CNTNAP4: variants seen among roughly 807,000 people sequenced by gnomAD.
CNTNAP4 encodes contactin associated protein family member 4.
Under a neutral mutation model 148.4 loss-of-function variants are expected in CNTNAP4, and 98 were observed. The ratio of observed to expected loss-of-function variants is 0.66; its 90% confidence interval spans 0.56 to 0.78. The LOEUF (loss-of-function observed/expected upper bound fraction) is 0.78, where lower values mean the gene tolerates loss of function less well. Among genes scored for constraint, CNTNAP4 ranks in the 30% least tolerant of loss-of-function variants. The pLI, the probability that CNTNAP4 is intolerant of heterozygous loss-of-function variation, is 0.00. For synonymous variants in CNTNAP4, 730 were observed against 565.1 expected (o/e 1.29, Z -4.14); for missense variants, 1,935 against 1,565.6 (o/e 1.24, Z -3.98).
chr16:76,516,199 T>G (rs1278566902), intron 15 of CNTNAP4, among the ~76,000 whole-genome samples: 2 of 151,960 alleles, frequency 1.3e-5, no homozygotes, highest in African/African-American at 4.8e-5. Context: ...GGTGTTTGGT[T>G]TTCTGTTTCT....
intron 1 of CNTNAP4, among the ~76,000 whole-genome samples, chr16:76,284,293 A>G (rs1958798809): frequency 1.3e-5 from 2 of 151,852 alleles, no homozygotes; most frequent in Admixed American, 1.3e-4. Context: ...TTTCATGGGT[A>G]TTTCAGTTAG....
intron 3 of CNTNAP4, among the ~76,000 whole-genome samples, chr16:76,382,223 TA>T (rs1283480530): frequency 6.6e-6 from 1 of 152,008 alleles, no homozygotes; most frequent in East Asian, 1.9e-4. Context: ...TATACAAAAT[TA>T]AATATAAAGC....
intron 1 of CNTNAP4, among the ~76,000 whole-genome samples, chr16:76,289,157 A>G (rs1417304331): frequency 6.6e-6 from 1 of 152,176 alleles, no homozygotes; most frequent in Non-Finnish European, 1.5e-5. Flanking sequence ...CAAACAAAAG[A>G]TACATCATGA....
chr16:76,489,945 T>C (rs1286547414), intron 13 of CNTNAP4, 62 bp downstream of exon 13: 9 of 1,150,468 alleles, frequency 7.8e-6, no homozygotes, highest in African/African-American at 1.5e-5. Context: ...CTCAACTAGC[T>C]CCTGAGAATT....
intron 4 of CNTNAP4, among the ~76,000 whole-genome samples, chr16:76,429,124 C>T (rs1459482059): frequency 6.6e-6 from 1 of 152,184 alleles, no homozygotes; most frequent in Non-Finnish European, 1.5e-5. Flanking sequence ...TTCGTGGCTT[C>T]AACAATCCAG....
At chr16:76,535,406 C>T in intron 17 of CNTNAP4, 139 bp from the exon 18 acceptor site, 1 of 806,534 alleles carries the variant, frequency 1.2e-6, no homozygotes, top group Non-Finnish European at 1.9e-6. Flanking sequence ...CTATATTTGA[C>T]CATGAATTGT....
intron 2 of CNTNAP4, among the ~76,000 whole-genome samples, chr16:76,335,889 A>G (rs1005045072): frequency 2.6e-5 from 4 of 152,128 alleles, no homozygotes; most frequent in East Asian, 1.9e-4. Flanking sequence ...GACCAAGTAC[A>G]TCCTTAACCT....
intron 21 of CNTNAP4, among the ~76,000 whole-genome samples, chr16:76,543,849 G>A (rs1192750933): frequency 1.3e-5 from 2 of 152,280 alleles, no homozygotes; most frequent in African/African-American, 4.8e-5. Context: ...CCTGTAGTTC[G>A]TGGTCTTTGA....
At chr16:76,503,900 G>T (rs1162389127) in intron 15 of CNTNAP4, among the ~76,000 whole-genome samples, 1 of 151,526 alleles carries the variant, frequency 6.6e-6, no homozygotes, top group Non-Finnish European at 1.5e-5. Context: ...TTTTATACTA[G>T]CACCAACAAC....
intron 11 of CNTNAP4, 32 bp downstream of exon 11, chr16:76,476,077 C>T (rs755017135): frequency 2.1e-6 from 3 of 1,456,834 alleles, no homozygotes; most frequent in Non-Finnish European, 2.9e-6. Flanking sequence ...TTTCTTGCCC[C>T]TGTGATGGTT....
chr16:76,319,557 A>G (rs944809909), intron 2 of CNTNAP4, among the ~76,000 whole-genome samples: 2 of 152,190 alleles, frequency 1.3e-5, no homozygotes, highest in Admixed American at 6.5e-5. Context: ...TTATTTGGAC[A>G]TAGGGTCTTA....
chr16:76,285,467 G>A (rs1193343758), intron 1 of CNTNAP4, among the ~76,000 whole-genome samples: 1 of 151,956 alleles, frequency 6.6e-6, no homozygotes, highest in African/African-American at 2.4e-5. Context: ...TTATCAGTTG[G>A]CCTATAGCTC....
intron 8 of CNTNAP4, among the ~76,000 whole-genome samples, chr16:76,457,112 A>G (rs547752502): frequency 6.6e-6 from 1 of 152,316 alleles, no homozygotes; most frequent in East Asian, 1.9e-4. Context: ...AATATCAGAA[A>G]CAAGAAAACA....
intron 3 of CNTNAP4, among the ~76,000 whole-genome samples, chr16:76,374,357 CAAAGCGATTA>C (rs1289801629): frequency 1.3e-5 from 2 of 152,136 alleles, no homozygotes; most frequent in African/African-American, 4.8e-5. Context: ...CCAAGAGCTA[CAAAGCGATTA>C]TGTTACTAAT....
chr16:76,550,444 G>A (rs7204321), intron 21 of CNTNAP4, among the ~76,000 whole-genome samples: 92,118 of 152,000 alleles, frequency 0.61, 28,155 homozygotes, highest in African/African-American at 0.68. Context: ...AATGTTTTCA[G>A]TTTGTAAGTG....
chr16:76,415,133 T>G (rs537125469), intron 3 of CNTNAP4, among the ~76,000 whole-genome samples: 24 of 151,318 alleles, frequency 1.6e-4, no homozygotes, highest in Admixed American at 1.3e-3. Flanking sequence ...TTCTTTCAGA[T>G]TTATAACACA....
intron 2 of CNTNAP4, among the ~76,000 whole-genome samples, chr16:76,338,500 C>T (rs1158020132): frequency 1.3e-5 from 2 of 152,140 alleles, no homozygotes; most frequent in African/African-American, 2.4e-5. Context: ...TCACTGTGGC[C>T]TTCCAGTGTC....
chr16:76,417,406 A>T (rs2079028794), intron 3 of CNTNAP4, among the ~76,000 whole-genome samples: 1 of 151,444 alleles, frequency 6.6e-6, no homozygotes, highest in South Asian at 2.1e-4. Flanking sequence ...ACTAAACCAA[A>T]GTCTATTTTC....
intron 8 of CNTNAP4, among the ~76,000 whole-genome samples, chr16:76,455,012 A>G (rs1422592374): frequency 6.6e-6 from 1 of 152,228 alleles, no homozygotes; most frequent in Non-Finnish European, 1.5e-5. Context: ...AATTTTTAAT[A>G]TGATGTACAG....
Sources: gnomAD v4.1 joint callset for allele counts (sites outside exome capture counted in the v4.1 genomes callset) on GRCh38, gnomAD v4.1.1 for gene constraint, MANE v1.5 for transcripts, NCBI Gene and HGNC (gene_info 2026-07-23, HGNC 2026-07-21) for gene names.